Variants in OPRL1 observed in about 807,000 individuals in gnomAD.
OPRL1 encodes nociceptin receptor.
Under a neutral mutation model 15.5 loss-of-function variants are expected in OPRL1, and 5 were observed. That is an observed-to-expected ratio of 0.32 (90% CI 0.17 to 0.68). The LOEUF (loss-of-function observed/expected upper bound fraction) is 0.68, where lower values mean the gene tolerates loss of function less well. Among genes scored for constraint, OPRL1 ranks in the 30% least tolerant of loss-of-function variants. The probability of loss-of-function intolerance (pLI) is 0.72; values close to 1 mark genes in which losing one functional copy is unlikely to be tolerated. For missense variants in OPRL1, 406 were observed against 515.3 expected (o/e 0.79, Z 2.05); for synonymous variants, 223 against 230.2 (o/e 0.97, Z 0.28).
At position 64,099,184 on chromosome 20, in the gene OPRL1, C is replaced by A. The variant is rs1979554183; in HGVS notation, c.*385C>A. The A allele has an allele frequency of 3.7e-6, 1 of 272,086 alleles. No individual in the cohort carries two copies. The highest frequency in any genetic ancestry group is 2.2e-5 in the African/African-American group (1 of 45,368). The allele number at this position is 272,086 out of a possible 1,614,324, so 16.9% of individuals were successfully genotyped here. ...TCTCTGCTGCTGCGTTGGCAGAACC[C>A]TGGGTGGGCAGGCACCCGGAGGAGG... On this transcript the variant is annotated 3_prime_UTR_variant, in exon 5 of 5. Transcript: ENST00000336866.
intron 2 of OPRL1, 114 bp from the exon 3 acceptor site, chr20:64,092,574 T>C (rs2060130691): frequency 1.4e-6 from 1 of 710,380 alleles, no homozygotes; most frequent in South Asian, 1.8e-5. Context: ...TCAGTGTCTG[T>C]GGCTGCCCAG....
chr20:64,098,283 G>A lies in OPRL1; in HGVS notation c.597G>A (p.Glu199=), dbSNP rs768943191. ...GSAQVEDEEI[E]CLVEIPTPQD... is the part of the protein sequence containing the mutation. ...CCGTTTCTCTCCCTGCAGAGATCGA[G>A]TGCCTGGTGGAGATCCCTACCCCTC... Residue 199 remains glutamate, a synonymous_variant, in exon 5 of 5, where the codon GAG becomes GAA. Transcript: ENST00000336866. The A allele has an allele frequency of 2.5e-6, 4 of 1,613,360 alleles. No individual in the cohort carries two copies. The highest frequency in any genetic ancestry group is 3.4e-6 in the Non-Finnish European group (4 of 1,179,642).
rs555523354 is a variant in OPRL1, at chr20:64,090,783, G to T, written c.-184-1183G>T. Among the ~76,000 whole-genome samples the T allele has an allele frequency of 8.3e-3, 1,229 of 148,020 alleles. 3 individuals carry two copies. The highest frequency in any genetic ancestry group is 0.021 in the Middle Eastern group (6 of 288). On this transcript the variant is annotated intron_variant, in intron 1 of 4. Transcript: ENST00000336866. The surrounding 1 kb of genome is among the most constrained non-coding windows in gnomAD (Gnocchi z 4.9). ...GCAGAGGTGCCCTGGGCACTGATCTGGGGCCCAGCTGTGGCAGAGGTGCCC... is the reference window on the plus strand; with the variant it reads ...GCAGAGGTGCCCTGGGCACTGATCTTGGGCCCAGCTGTGGCAGAGGTGCCC...
At position 64,098,939 on chromosome 20, in the gene OPRL1, G is replaced by A. The variant is rs1365037137; in HGVS notation, c.*140G>A. 8.3e-7 allele frequency: 1 copy of A among 1,205,782 alleles called. No individual in the cohort carries two copies. Among genetic ancestry groups the A allele is most frequent in the Non-Finnish European group, 1.1e-6 (1 of 888,892 alleles). 74.7% of individuals were successfully genotyped at this position (1,205,782 alleles called of 1,614,324 possible). ...CAGAGCCTGGGATGGGCTTTTCCCT[G>A]TGGGCCAGGGATGCTCGGTCCCAGA... is the stretch of plus-strand genomic sequence containing the variant. On this transcript the variant is annotated 3_prime_UTR_variant, in exon 5 of 5. Coordinates refer to ENST00000336866, the MANE Select transcript of OPRL1 (RefSeq NM_182647.4).
At position 64,089,362 on chromosome 20, in the gene OPRL1, G is replaced by A. The variant is rs1332741972; in HGVS notation, c.-184-2604G>A. On this transcript the variant is annotated intron_variant, in intron 1 of 4. Coordinates refer to ENST00000336866, the MANE Select transcript of OPRL1 (RefSeq NM_182647.4). The surrounding 1 kb of genome is among the most constrained non-coding windows in gnomAD (Gnocchi z 5.5). ...GCCAGGCAAGGCAGAGCTGGGAGCT[G>A]CCTTGGTGGGGGTGCAGGTGGCTGG... 6.6e-6 allele frequency among the ~76,000 whole-genome samples: 1 copy of A among 152,116 alleles called. No individual in the cohort carries two copies. The highest frequency in any genetic ancestry group is 2.4e-5 in the African/African-American group (1 of 41,422).
At position 64,083,062 on chromosome 20, in the gene OPRL1, C is replaced by CT. The variant is rs2059985804; in HGVS notation, c.-185+2711dup. ...GTGGGATGACTCGCACTCGAGACCA[C>CT]TGCAGCCTGAGGCTACCCTTACATC... On this transcript the variant is annotated intron_variant, in intron 1 of 4. Transcript: ENST00000336866. This position sits in a 1 kb window ranked among gnomAD's most constrained non-coding sequence, Gnocchi z 4.9. 6.6e-6 allele frequency among the ~76,000 whole-genome samples: 1 copy of CT among 152,302 alleles called. No homozygotes were observed. Among genetic ancestry groups the CT allele is most frequent in the Admixed American group, 6.5e-5 (1 of 15,302 alleles).
Position 64,083,585 on chromosome 20 carries a change from C to T in OPRL1, c.-185+3233C>T. ...CCCCTACCGGGGCTTGTCTGCACCT[C>T]TTGGCGGTCCAGGGGGTCCGGGATC... On this transcript the variant is annotated intron_variant, in intron 1 of 4. Transcript: ENST00000336866. The surrounding 1 kb of genome is among the most constrained non-coding windows in gnomAD (Gnocchi z 4.9). 1 of 1,510,594 alleles carries T rather than the reference C, an allele frequency of 6.6e-7. No homozygotes were observed. Among genetic ancestry groups the T allele is most frequent in the Non-Finnish European group, 8.9e-7 (1 of 1,128,786 alleles). The allele number at this position is 1,510,594 out of a possible 1,614,324, so 93.6% of individuals were successfully genotyped here. A position where few individuals can be genotyped will look rare whatever the true frequency, so the allele number is the denominator to read the frequency against.
chr20:64,084,025 G>A (rs752073887), intron 1 of OPRL1: 2 of 1,503,750 alleles, frequency 1.3e-6, no homozygotes, highest in Non-Finnish European at 1.8e-6. Flanking sequence ...GCAGGTCGCC[G>A]AAGAGCAGAT....
intron 1 of OPRL1, among the ~76,000 whole-genome samples, chr20:64,088,716 T>C (rs1206658130): frequency 3.8e-4 from 5 of 13,318 alleles, no homozygotes; most frequent in Non-Finnish European, 6.7e-4. Flanking sequence ...CTGTGCAGAG[T>C]GGCCAGGATC....
At chr20:64,095,792 C>T (rs910378760) in intron 3 of OPRL1, among the ~76,000 whole-genome samples, 9 of 151,898 alleles carry the variant, frequency 5.9e-5, no homozygotes, top group South Asian at 2.1e-4. Context: ...TAGGTAGAGG[C>T]GGGACAGGGT....
At chr20:64,084,333 C>T (rs2060018096) in intron 1 of OPRL1, 2 of 1,289,344 alleles carry the variant, frequency 1.6e-6, no homozygotes, top group South Asian at 2.4e-5. Flanking sequence ...CCGCTGGGCT[C>T]TCCGCAGTCG....
At chr20:64,080,761 T>C (rs2059958248) in intron 1 of OPRL1, among the ~76,000 whole-genome samples, 1 of 151,940 alleles carries the variant, frequency 6.6e-6, no homozygotes, top group African/African-American at 2.4e-5. Flanking sequence ...CCCCCGCCCC[T>C]CCCCTGGCCC....
rs1979179898 is a variant in OPRL1, at chr20:64,096,828, CA to C, written c.234-973del. 5.0e-5 allele frequency among the ~76,000 whole-genome samples: 2 copies of C among 39,620 alleles called. 1 individual carries two copies. Among genetic ancestry groups the C allele is most frequent in the Non-Finnish European group, 1.0e-4 (2 of 19,210 alleles). 26.0% of individuals were successfully genotyped at this position (39,620 alleles called of 152,430 possible). On this transcript the variant is annotated intron_variant, in intron 3 of 4. Transcript: ENST00000336866. ...CCACCACCATCACCACCATCATCAC[CA>C]TCATCATCATGACCATCACCACCAT...
Position 64,097,613 on chromosome 20 carries a change from C to G in OPRL1, c.234-189C>G, listed in dbSNP as rs1039286589. ...AGACGTTTGACCCCAGGCCCTACCC[C>G]CTGAGACTGACTCATGAGTCTCAGG... On this transcript the variant is annotated intron_variant, in intron 3 of 4. Coordinates refer to ENST00000336866, the MANE Select transcript of OPRL1 (RefSeq NM_182647.4). This position sits in a 1 kb window ranked among gnomAD's most constrained non-coding sequence, Gnocchi z 4.2. 6.6e-6 allele frequency among the ~76,000 whole-genome samples: 1 copy of G among 150,766 alleles called. No homozygotes were observed. Among genetic ancestry groups the G allele is most frequent in the South Asian group, 2.1e-4 (1 of 4,806 alleles).
At chr20:64,086,814 G>A (rs1322639161) in intron 1 of OPRL1, among the ~76,000 whole-genome samples, 1 of 152,214 alleles carries the variant, frequency 6.6e-6, no homozygotes, top group Non-Finnish European at 1.5e-5. Flanking sequence ...GCTGCTCTGT[G>A]AGGGGCTGCC....
chr20:64,088,934 G>GAGGGCAGGATCT (rs1569272181), intron 1 of OPRL1, among the ~76,000 whole-genome samples: 2 of 3,208 alleles, frequency 6.2e-4, no homozygotes, highest in Non-Finnish European at 8.2e-4. Context: ...CTGTGCAAGG[G>GAGGGCAGGATCT]GTAGGATCTG....
chr20:64,084,201 C>A (rs577122207), intron 1 of OPRL1: 1 of 1,424,980 alleles, frequency 7.0e-7, no homozygotes, highest in Non-Finnish European at 9.1e-7. Flanking sequence ...CGCCCGCCCT[C>A]CTTCGCTGGC....
At chr20:64,081,264 C>G (rs1213868089) in intron 1 of OPRL1, among the ~76,000 whole-genome samples, 2 of 152,184 alleles carry the variant, frequency 1.3e-5, no homozygotes, top group Admixed American at 6.5e-5. Context: ...GCCAGGAAGC[C>G]CACAGGGACA....
At position 64,097,776 on chromosome 20, in the gene OPRL1, GC is replaced by G; in HGVS notation, c.234-24del. The G allele has an allele frequency of 6.3e-7, 1 of 1,595,840 alleles. No homozygotes were observed. The highest frequency in any genetic ancestry group is 1.7e-4 in the Middle Eastern group (1 of 5,996). ...GGTCCAGCCAGCATGGCCAAGTGAA[GC>G]CTTTCTTCTCCCTCTACTCCGCAGG... On this transcript the variant is annotated intron_variant, in intron 3 of 4. Transcript: ENST00000336866. This position sits in a 1 kb window ranked among gnomAD's most constrained non-coding sequence, Gnocchi z 4.2.
Sources: gnomAD v4.1 joint callset for allele counts (sites outside exome capture counted in the v4.1 genomes callset) on GRCh38, gnomAD v4.1.1 for gene constraint, Gnocchi (gnomAD v3.1) non-coding constraint, MANE v1.5 for transcripts, NCBI Gene and HGNC (gene_info 2026-07-23, HGNC 2026-07-21) for gene names.